Variants in DOCK1 observed in about 807,000 individuals in gnomAD.
DOCK1 encodes dedicator of cytokinesis protein 1.
DOCK1 carries 138 observed loss-of-function variants against 262.7 expected under a neutral mutation model. The observed-to-expected ratio is 0.53, with a 90% confidence interval of 0.46 to 0.61. The LOEUF is 0.61. DOCK1 is among the 20% of genes least tolerant of loss of function. The probability of loss-of-function intolerance (pLI) is 0.00; values close to 1 mark genes in which losing one functional copy is unlikely to be tolerated. For synonymous variants in DOCK1, 866 were observed against 867.4 expected (o/e 1.00, Z 0.03); for missense variants, 1,908 against 2,370.7 (o/e 0.80, Z 4.05).
At chr10:126,917,809 G>A (rs890518441) in intron 1 of DOCK1, among the ~76,000 whole-genome samples, 2 of 152,080 alleles carry the variant, frequency 1.3e-5, no homozygotes, top group African/African-American at 4.8e-5. Flanking sequence ...AGGACTAAGC[G>A]CACCCAGGGC....
At chr10:127,347,715 G>A (rs1027323445) in intron 31 of DOCK1, among the ~76,000 whole-genome samples, 1 of 151,246 alleles carries the variant, frequency 6.6e-6, no homozygotes, top group African/African-American at 2.4e-5. Flanking sequence ...GTATAAAGGT[G>A]GAGCCATGAC....
At chr10:126,958,930 C>T (rs998464784) in intron 1 of DOCK1, among the ~76,000 whole-genome samples, 9 of 152,128 alleles carry the variant, frequency 5.9e-5, no homozygotes, top group African/African-American at 9.7e-5. Context: ...GTGCCCCAGG[C>T]GGTCGGGGTG....
At chr10:127,337,117 A>C (rs2063236575) in intron 29 of DOCK1, among the ~76,000 whole-genome samples, 1 of 152,160 alleles carries the variant, frequency 6.6e-6, no homozygotes, top group African/African-American at 2.4e-5. Flanking sequence ...AAATTGTGTT[A>C]GTGGTCAGAA....
At chr10:127,429,259 A>C (rs1191431414) in intron 47 of DOCK1, among the ~76,000 whole-genome samples, 1 of 152,064 alleles carries the variant, frequency 6.6e-6, no homozygotes, top group East Asian at 1.9e-4. Context: ...TTCCACCCTG[A>C]GATACTTTGT....
At chr10:127,333,532 A>G (rs2063071700) in intron 29 of DOCK1, among the ~76,000 whole-genome samples, 1 of 152,232 alleles carries the variant, frequency 6.6e-6, no homozygotes. Flanking sequence ...ATTTAGGACT[A>G]TGCTACTTTT....
chr10:127,331,921 A>G (rs1203704359), intron 29 of DOCK1, among the ~76,000 whole-genome samples: 2 of 152,220 alleles, frequency 1.3e-5, no homozygotes, highest in Non-Finnish European at 2.9e-5. Flanking sequence ...TGTGAAAGCA[A>G]TGACAGTGTC....
intron 49 of DOCK1, among the ~76,000 whole-genome samples, chr10:127,441,596 G>T (rs565308496): frequency 6.6e-6 from 1 of 152,256 alleles, no homozygotes; most frequent in Non-Finnish European, 1.5e-5. Flanking sequence ...AGGCGGCTGC[G>T]TGCCAGTGAC....
chr10:126,947,202 T>G (rs964879568), intron 1 of DOCK1, among the ~76,000 whole-genome samples: 1 of 151,252 alleles, frequency 6.6e-6, no homozygotes, highest in Non-Finnish European at 1.5e-5. Context: ...CAGAATAAAG[T>G]TTACCTCTGC....
Position 127,433,314 on chromosome 10 carries a change from G to A in DOCK1, c.4946G>A (p.Arg1649His), listed in dbSNP as rs774121100. 1.1e-5 allele frequency: 17 copies of A among 1,613,730 alleles called. 1 individual carries two copies. The highest frequency in any genetic ancestry group is 2.7e-5 in the African/African-American group (2 of 74,878). Residue 1649 changes from arginine (R) to histidine (H), a missense_variant, in exon 48 of 52, where the codon CGC becomes CAC. Arg to His is a conservative substitution (Grantham distance 29, BLOSUM62 0). Coordinates refer to ENST00000623213, the MANE Select transcript of DOCK1 (RefSeq NM_001290223.2). ...PSSLDDRRGS[R>H]PRSMVRSFTM... ...AGTCTGGATGATAGAAGAGGCAGCC[G>A]CCCCCGGTCCATGGTGCGGTCCTTC...
rs117166868 is a variant in DOCK1 at position 127,260,724 on chromosome 10, T to C, written c.3044+3295T>C. On this transcript the variant is annotated intron_variant, in intron 29 of 51. Coordinates refer to ENST00000623213, the MANE Select transcript of DOCK1 (RefSeq NM_001290223.2). ...GTGCTCATCTGTGTGTCCTTGCATGTGTGTGCGTGTGGGTGTGCATGTGTG... is the reference window on the plus strand; with the variant it reads ...GTGCTCATCTGTGTGTCCTTGCATGCGTGTGCGTGTGGGTGTGCATGTGTG... 5.2e-4 allele frequency among the ~76,000 whole-genome samples: 76 copies of C among 147,530 alleles called. 1 individual carries two copies. The East Asian group carries it at 6.9e-3, about 13-fold the overall frequency.
In DOCK1 at chr10:127,037,733, C is replaced by A; in HGVS notation, c.1927C>A (p.Leu643Ile). The A allele has an allele frequency of 6.3e-7, 1 of 1,590,800 alleles. No homozygotes were observed. Among genetic ancestry groups the A allele is most frequent in the Non-Finnish European group, 8.6e-7 (1 of 1,168,432 alleles). The change falls in exon 19 of 52, where the codon CTC becomes ATC. Residue 643 changes from leucine (L) to isoleucine (I), a missense_variant. Physicochemically the swap from Leu to Ile is conservative, Grantham distance 5 (BLOSUM62 2). This residue lies in a region of DOCK1 where 294 missense variants were observed against 439.9 expected (regional missense o/e 0.67). Coordinates refer to ENST00000623213, the MANE Select transcript of DOCK1 (RefSeq NM_001290223.2). ...TCTGTTTCCAGTGGACCTTCTGGGG[C>A]TCTTGAAATGGCGCTCCAACACCAG... ...KLTQNVDLLG[L>I]LKWRSNTSLL...
chr10:126,978,071 T>G (rs1161401822), intron 3 of DOCK1, 83 bp downstream of exon 3: 6 of 1,374,366 alleles, frequency 4.4e-6, no homozygotes, highest in Middle Eastern at 1.9e-4. Context: ...CATTTGTGTC[T>G]GAGGGTTTTA....
intron 29 of DOCK1, among the ~76,000 whole-genome samples, chr10:127,326,704 G>A (rs1019606129): frequency 6.6e-6 from 1 of 152,196 alleles, no homozygotes; most frequent in African/African-American, 2.4e-5. Flanking sequence ...TTAGAATGCT[G>A]AATTTTTTCC....
At position 127,408,894 on chromosome 10, in the gene DOCK1, A is replaced by G. The variant is rs1209197115; in HGVS notation, c.4123-143A>G. On this transcript the variant is annotated intron_variant, in intron 40 of 51. Transcript: ENST00000623213. ...TAACAAAGCCAACGCAAGTACAAAA[A>G]AAAATAAAAATTACAAGTTGTTCTT... 5.7e-6 allele frequency: 7 copies of G among 1,223,836 alleles called. No individual in the cohort carries two copies. In the African/African-American group the frequency reaches 1.1e-4, roughly 19 times the overall value. The allele number at this position is 1,223,836 out of a possible 1,614,324, so 75.8% of individuals were successfully genotyped here. A position where few individuals can be genotyped will look rare whatever the true frequency, so the allele number is the denominator to read the frequency against.
At chr10:127,159,425 A>G (rs559033286) in intron 27 of DOCK1, among the ~76,000 whole-genome samples, 1 of 152,202 alleles carries the variant, frequency 6.6e-6, no homozygotes, top group Non-Finnish European at 1.5e-5. Flanking sequence ...AGTTGTTACT[A>G]TCAGCAATTC....
chr10:127,417,512 G>C (rs2068231517), intron 44 of DOCK1, among the ~76,000 whole-genome samples: 1 of 152,222 alleles, frequency 6.6e-6, no homozygotes, highest in Admixed American at 6.5e-5. Context: ...AATGAAGCCT[G>C]TGAGGGTGGC....
chr10:127,363,935 T>C (rs918740021), intron 33 of DOCK1, among the ~76,000 whole-genome samples: 5 of 152,230 alleles, frequency 3.3e-5, no homozygotes, highest in Non-Finnish European at 5.9e-5. Context: ...GCTTGTAACA[T>C]TGGCATGAAA....
intron 1 of DOCK1, among the ~76,000 whole-genome samples, chr10:126,917,182 T>C (rs11245231): frequency 0.036 from 5,411 of 152,294 alleles, 320 homozygotes; most frequent in African/African-American, 0.12. Flanking sequence ...TCTGCTGCCA[T>C]GAGCGTGTGA....
chr10:127,005,344 G>A (rs1003278336), intron 10 of DOCK1, among the ~76,000 whole-genome samples: 2 of 150,126 alleles, frequency 1.3e-5, no homozygotes, highest in African/African-American at 4.9e-5. Flanking sequence ...AAAAAAAAAA[G>A]GGATAGAAGG....
Sources: gnomAD v4.1 joint callset for allele counts (sites outside exome capture counted in the v4.1 genomes callset) on GRCh38, gnomAD v4.1.1 for gene constraint, gnomAD v4.1.1 regional missense constraint, MANE v1.5 for transcripts, NCBI Gene and HGNC (gene_info 2026-07-23, HGNC 2026-07-21) for gene names.